RHOBTB3: variants seen among roughly 807,000 people sequenced by gnomAD.
RHOBTB3 encodes rho-related BTB domain-containing protein 3.
RHOBTB3 carries 47 observed loss-of-function variants against 67.2 expected under a neutral mutation model. That is an observed-to-expected ratio of 0.70 (90% CI 0.55 to 0.89). RHOBTB3 has a LOEUF of 0.89. Ranked by LOEUF, RHOBTB3 falls within the 40% of genes least tolerant of loss-of-function variation. The pLI, the probability that RHOBTB3 is intolerant of heterozygous loss-of-function variation, is 0.00. For synonymous variants in RHOBTB3, 273 were observed against 274.2 expected (o/e 1.00, Z 0.04); for missense variants, 631 against 750.0 (o/e 0.84, Z 1.85).
chr5:95,724,065 T>C (rs999733740), intron 1 of RHOBTB3, among the ~76,000 whole-genome samples: 36 of 152,242 alleles, frequency 2.4e-4, no homozygotes, highest in African/African-American at 8.4e-4. Context: ...GAAATTTTCC[T>C]CTCAAAAGTT....
intron 11 of RHOBTB3, among the ~76,000 whole-genome samples, chr5:95,790,627 A>C (rs191509741): frequency 1.8e-4 from 27 of 152,310 alleles, no homozygotes; most frequent in African/African-American, 5.1e-4. Context: ...CGATGTGTCG[A>C]TGTTGCCTTC....
intron 8 of RHOBTB3, among the ~76,000 whole-genome samples, chr5:95,779,027 G>T (rs182431967): frequency 2.6e-3 from 391 of 152,370 alleles, no homozygotes; most frequent in Non-Finnish European, 4.3e-3. Flanking sequence ...TTTGGAAAAA[G>T]CCACTGGGCT....
chr5:95,784,548 A>G (rs1746163557), intron 10 of RHOBTB3, among the ~76,000 whole-genome samples: 1 of 152,120 alleles, frequency 6.6e-6, no homozygotes, highest in Non-Finnish European at 1.5e-5. Flanking sequence ...GCCTCTTGTA[A>G]GCTCGGAGTC....
chr5:95,748,110 T>C (rs548660397), intron 3 of RHOBTB3, among the ~76,000 whole-genome samples: 21 of 152,038 alleles, frequency 1.4e-4, no homozygotes, highest in African/African-American at 5.1e-4. Context: ...TTTAAATTTT[T>C]CTATTTTCTA....
chr5:95,760,124 A>G (rs1745356448), intron 6 of RHOBTB3, among the ~76,000 whole-genome samples: 1 of 152,174 alleles, frequency 6.6e-6, no homozygotes, highest in Non-Finnish European at 1.5e-5. Flanking sequence ...ACACCTATCT[A>G]TTCCTATTCA....
At chr5:95,733,824 C>G (rs1434220787) in intron 2 of RHOBTB3, among the ~76,000 whole-genome samples, 1 of 152,154 alleles carries the variant, frequency 6.6e-6, no homozygotes, top group African/African-American at 2.4e-5. Context: ...CATTAATCAA[C>G]TGTTATTTGA....
At chr5:95,750,737 G>A (rs1745066576) in intron 4 of RHOBTB3, among the ~76,000 whole-genome samples, 1 of 152,122 alleles carries the variant, frequency 6.6e-6, no homozygotes, top group Admixed American at 6.5e-5. Flanking sequence ...CCTGCGGGGT[G>A]GCCAAAGGGT....
chr5:95,793,091 T>C lies in RHOBTB3; in HGVS notation c.1753T>C (p.Trp585Arg). The C allele has an allele frequency of 6.2e-7, 1 of 1,613,674 alleles. No individual in the cohort carries two copies. The highest frequency in any genetic ancestry group is 8.5e-7 in the Non-Finnish European group (1 of 1,179,868). The change falls in exon 12 of 12, where the codon TGG becomes CGG. Residue 585 changes from tryptophan to arginine, a missense_variant. By Grantham distance (101) the Trp-to-Arg change is moderately radical. Coordinates refer to ENST00000379982, the MANE Select transcript of RHOBTB3 (RefSeq NM_014899.4). ...ACGCAGTTTTGTTGAAAAGCACAGA[T>C]GGCCGTCGAATATGTACTTGAAGCA... Reference protein sequence around the residue: ...EERSFVEKHRWPSNMYLKQLA... With the variant: ...EERSFVEKHRRPSNMYLKQLA...
At chr5:95,740,341 A>C (rs958509735) in intron 3 of RHOBTB3, among the ~76,000 whole-genome samples, 1 of 152,222 alleles carries the variant, frequency 6.6e-6, no homozygotes, top group Non-Finnish European at 1.5e-5. Flanking sequence ...AATCAGTGGA[A>C]TCTGATTATC....
intron 10 of RHOBTB3, among the ~76,000 whole-genome samples, chr5:95,787,378 A>T (rs1036888248): frequency 6.6e-6 from 1 of 152,180 alleles, no homozygotes; most frequent in Non-Finnish European, 1.5e-5. Context: ...TTTCCAGTTC[A>T]AAAATTGATT....
At chr5:95,744,289 T>C (rs1053294653) in intron 3 of RHOBTB3, among the ~76,000 whole-genome samples, 2 of 152,222 alleles carry the variant, frequency 1.3e-5, no homozygotes, top group African/African-American at 4.8e-5. Flanking sequence ...AATTCACACT[T>C]ATCTTTTAAA....
intron 6 of RHOBTB3, among the ~76,000 whole-genome samples, chr5:95,762,202 C>T (rs549377499): frequency 1.9e-4 from 29 of 152,186 alleles, no homozygotes; most frequent in Admixed American, 1.9e-3. Flanking sequence ...ACTCCCTCCC[C>T]CAGGAGACAC....
chr5:95,777,424 T>C (rs540138281), intron 8 of RHOBTB3, among the ~76,000 whole-genome samples: 2 of 152,362 alleles, frequency 1.3e-5, no homozygotes, highest in East Asian at 1.9e-4. Flanking sequence ...TGTTTCACTC[T>C]TGTAGTTCTT....
chr5:95,764,969 A>G (rs1745500731), intron 7 of RHOBTB3, among the ~76,000 whole-genome samples: 1 of 152,172 alleles, frequency 6.6e-6, no homozygotes, highest in African/African-American at 2.4e-5. Flanking sequence ...TAATTCAACT[A>G]AATAATCATT....
At chr5:95,779,191 G>A (rs1745978504) in intron 8 of RHOBTB3, among the ~76,000 whole-genome samples, 1 of 152,200 alleles carries the variant, frequency 6.6e-6, no homozygotes, top group Admixed American at 6.5e-5. Context: ...CTCTTGGGCA[G>A]GGCTGAGTGG....
rs919165352 is a variant in RHOBTB3, at chr5:95,795,793, A to G, written c.*2619A>G. 1 of 152,256 alleles carries G rather than the reference A, an allele frequency of 6.6e-6. No homozygotes were observed. Among genetic ancestry groups the G allele is most frequent in the South Asian group, 2.1e-4 (1 of 4,834 alleles). The allele number at this position is 152,256 out of a possible 1,614,324, so 9.4% of individuals were successfully genotyped here. The stretch of plus-strand genomic sequence containing the variant: ...AATACTTATAACCTATCTTAGAGAA[A>G]TGAGTGCTGGTTTTGAGAGTTGTTT... On this transcript the variant is annotated 3_prime_UTR_variant, in exon 12 of 12. Transcript: ENST00000379982.
intron 4 of RHOBTB3, among the ~76,000 whole-genome samples, chr5:95,750,113 A>G (rs1211596426): frequency 2.6e-5 from 4 of 152,208 alleles, no homozygotes; most frequent in Admixed American, 2.6e-4. Context: ...TGGGATCTTG[A>G]GTGTAAAATA....
At position 95,755,696 on chromosome 5, in the gene RHOBTB3, G is replaced by T. The variant is rs777319373; in HGVS notation, c.983G>T (p.Arg328Leu). ...SHESSGNPPL[R>L]VIVKDALFCS... Reference sequence around the variant, plus strand: ...GAATCTTCAGGCAACCCACCATTACGAGTCATTGTTAAAGACGCCCTCTTC... The same window carrying T: ...GAATCTTCAGGCAACCCACCATTACTAGTCATTGTTAAAGACGCCCTCTTC... Residue 328 changes from arginine (R) to leucine (L), a missense_variant, in exon 6 of 12, where the codon CGA becomes CTA. By Grantham distance (102) the Arg-to-Leu change is moderately radical. Coordinates refer to ENST00000379982, the MANE Select transcript of RHOBTB3 (RefSeq NM_014899.4). 6.2e-7 allele frequency: 1 copy of T among 1,614,012 alleles called. No homozygotes were observed. Among genetic ancestry groups the T allele is most frequent in the Non-Finnish European group, 8.5e-7 (1 of 1,179,980 alleles).
rs75255263 is a variant in RHOBTB3, at chr5:95,789,037, G to T, written c.1720+179G>T. On this transcript the variant is annotated intron_variant, in intron 11 of 11. Transcript: ENST00000379982. Reference sequence around the variant, plus strand: ...ATTTATAGTCACCTGTGTTACATAAGTGCCTTAACCTGTGTTACACAAGAA... The same window carrying T: ...ATTTATAGTCACCTGTGTTACATAATTGCCTTAACCTGTGTTACACAAGAA... 5.8e-6 allele frequency: 3 copies of T among 515,664 alleles called. No individual in the cohort carries two copies. In the African/African-American group the frequency reaches 6.1e-5, roughly 10 times the overall value. 31.9% of individuals were successfully genotyped at this position (515,664 alleles called of 1,614,324 possible). A position where few individuals can be genotyped will look rare whatever the true frequency, so the allele number is the denominator to read the frequency against.
Sources: gnomAD v4.1 joint callset for allele counts (sites outside exome capture counted in the v4.1 genomes callset) on GRCh38, gnomAD v4.1.1 for gene constraint, MANE v1.5 for transcripts, NCBI Gene and HGNC (gene_info 2026-07-23, HGNC 2026-07-21) for gene names.